The following GRB10 variants were observed in gnomAD, a reference collection of about 807,000 sequenced individuals.
GRB10 encodes growth factor receptor-bound protein 10.
In GRB10, 20 loss-of-function variants were observed where a neutral mutation model predicts 80.9. The ratio of observed to expected loss-of-function variants is 0.25; its 90% CI spans 0.17 to 0.36. The LOEUF is 0.36. GRB10 is among the 10% of genes least tolerant of loss of function. GRB10 has a pLI of 1.00. For missense variants in GRB10, 548 were observed against 747.7 expected, an observed-to-expected ratio of 0.73 and a Z score of 3.12; for synonymous variants, 291 against 291.5, an observed-to-expected ratio of 1.00 and a Z score of 0.02.
At chr7:50,603,138 G>A (rs2047908764) in intron 17 of GRB10, among the ~76,000 whole-genome samples, 1 of 152,206 alleles carries the variant, frequency 6.6e-6, no homozygotes, top group Non-Finnish European at 1.5e-5. Flanking sequence ...TGAGTATTCA[G>A]ACCCCGTATG....
At chr7:50,786,503 C>CA (rs1462841141), upstream of GRB10, among the ~76,000 whole-genome samples, 5 of 151,932 alleles carry the variant, frequency 3.3e-5, no homozygotes, top group African/African-American at 7.2e-5. Context: ...AAAAACAAAC[C>CA]AAAAAACCAC....
rs1381842414 is a variant in GRB10 at position 50,683,391 on chromosome 7, G to A, written c.140-8733C>T. 7.2e-5 allele frequency among the ~76,000 whole-genome samples: 11 copies of A among 152,278 alleles called. No homozygotes were observed. In the East Asian group the frequency reaches 1.9e-3, roughly 27 times the overall value. ...AGTTCTATGGATGGATGGTGGTGAA[G>A]GTTGTGCAACCATGTGAACGTTCTT... On this transcript the variant is annotated intron_variant, in intron 5 of 18. Coordinates refer to ENST00000401949, the MANE Select transcript of GRB10 (RefSeq NM_001350814.2).
chr7:50,613,790 G>A (rs1010356703), intron 12 of GRB10, among the ~76,000 whole-genome samples: 20 of 152,136 alleles, frequency 1.3e-4, no homozygotes, highest in African/African-American at 4.1e-4. Flanking sequence ...ACTTATAACC[G>A]AAAGAGTATT....
chr7:50,632,538 C>T (rs1023950265), intron 7 of GRB10, among the ~76,000 whole-genome samples: 3 of 152,184 alleles, frequency 2.0e-5, no homozygotes, highest in African/African-American at 4.8e-5. Flanking sequence ...GCATGGGAGC[C>T]GGGTGCCCCA....
In GRB10 at chr7:50,592,816, C is replaced by T. The variant is rs977967348; in HGVS notation, c.*136G>A. ...GTCCAACAAACTAGTCAATCTTGGT[C>T]GGCTGGCACCGAACAAACCCATCTC... is the stretch of plus-strand genomic sequence containing the variant. On this transcript the variant is annotated 3_prime_UTR_variant, in exon 19 of 19. Transcript: ENST00000401949. 6 of 1,008,838 alleles carry T rather than the reference C, an allele frequency of 5.9e-6. No individual in the cohort carries two copies. The highest frequency in any genetic ancestry group is 3.0e-4 in the Middle Eastern group (1 of 3,280). 62.5% of individuals were successfully genotyped at this position (1,008,838 alleles called of 1,614,324 possible).
intron 7 of GRB10, among the ~76,000 whole-genome samples, chr7:50,665,642 C>T (rs546774412): frequency 2.0e-4 from 30 of 152,320 alleles, no homozygotes; most frequent in Admixed American, 1.4e-3. Flanking sequence ...GGGGTAGCAA[C>T]GAGCCTGGGT....
chr7:50,598,737 A>G (rs2047070313), intron 17 of GRB10, among the ~76,000 whole-genome samples: 1 of 152,206 alleles, frequency 6.6e-6, no homozygotes, highest in Non-Finnish European at 1.5e-5. Flanking sequence ...TCCCTCTTAC[A>G]AGGGTGCTAT....
intron 2 of GRB10, among the ~76,000 whole-genome samples, chr7:50,761,154 C>T (rs142278904): frequency 3.3e-5 from 5 of 152,294 alleles, no homozygotes; most frequent in African/African-American, 7.2e-5. Flanking sequence ...TATGCCAAGG[C>T]CACACAGTTA....
chr7:50,786,959 G>A (rs971180816), upstream of GRB10, among the ~76,000 whole-genome samples: 1 of 152,214 alleles, frequency 6.6e-6, no homozygotes, highest in Non-Finnish European at 1.5e-5. Context: ...TTGGAAAAGA[G>A]ATTCACACAA....
At chr7:50,631,955 C>T (rs999465123) in intron 7 of GRB10, among the ~76,000 whole-genome samples, 1 of 152,172 alleles carries the variant, frequency 6.6e-6, no homozygotes, top group Admixed American at 6.5e-5. Context: ...AACCCACTAC[C>T]CAGCGTGTAC....
At chr7:50,722,868 A>C (rs1195635657) in intron 4 of GRB10, among the ~76,000 whole-genome samples, 1 of 152,078 alleles carries the variant, frequency 6.6e-6, no homozygotes, top group African/African-American at 2.4e-5. Flanking sequence ...CCTTAGGTAA[A>C]GATAGCGCTC....
At position 50,758,075 on chromosome 7, in the gene GRB10, GCTC is replaced by G. The variant is rs563651178; in HGVS notation, c.-216-2022_-216-2020del. Among the ~76,000 whole-genome samples, 5 of 152,312 alleles carry G rather than the reference GCTC, an allele frequency of 3.3e-5. No individual in the cohort carries two copies. In the South Asian group the frequency reaches 1.0e-3, roughly 32 times the overall value. On this transcript the variant is annotated intron_variant, in intron 2 of 18. Coordinates refer to ENST00000401949, the MANE Select transcript of GRB10 (RefSeq NM_001350814.2). ...ACAGTTGACAAAACAAAGACAACAT[GCTC>G]TTTGAACCTGATAAACTGAAGAGTT...
chr7:50,777,083 T>C (rs958263817), intron 2 of GRB10, among the ~76,000 whole-genome samples: 1 of 152,154 alleles, frequency 6.6e-6, no homozygotes, highest in African/African-American at 2.4e-5. Context: ...GGTTAGGTAA[T>C]TTATAAATAA....
chr7:50,657,806 G>C (rs2058798675), intron 7 of GRB10, among the ~76,000 whole-genome samples: 1 of 152,206 alleles, frequency 6.6e-6, no homozygotes. Flanking sequence ...GGCACCAACA[G>C]CAGAGGGAGG....
At chr7:50,744,225 A>G (rs1457714035) in intron 3 of GRB10, among the ~76,000 whole-genome samples, 1 of 152,208 alleles carries the variant, frequency 6.6e-6, no homozygotes. Context: ...CATGGAAAAG[A>G]AAAGAAACCG....
At chr7:50,712,285 A>T (rs2066012891) in intron 4 of GRB10, among the ~76,000 whole-genome samples, 1 of 152,232 alleles carries the variant, frequency 6.6e-6, no homozygotes, top group Admixed American at 6.5e-5. Flanking sequence ...AGGTCTATGC[A>T]AGAGGAAAGG....
intron 4 of GRB10, among the ~76,000 whole-genome samples, chr7:50,730,619 A>T (rs2069524490): frequency 6.6e-6 from 1 of 152,210 alleles, no homozygotes; most frequent in African/African-American, 2.4e-5. Flanking sequence ...GCATGACAGC[A>T]CATAGCAGGG....
Position 50,694,615 on chromosome 7 carries a change from C to T in GRB10, c.139+9206G>A, listed in dbSNP as rs369181643. 1.3e-4 allele frequency among the ~76,000 whole-genome samples: 20 copies of T among 152,212 alleles called. No individual in the cohort carries two copies. The East Asian group carries it at 3.3e-3, about 25-fold the overall frequency. On this transcript the variant is annotated intron_variant, in intron 5 of 18. Transcript: ENST00000401949. ...GATGAAGAATCTGTGGTGTGTGCAG[C>T]CACTCATCCCTCACCTACCCACAGG...
At chr7:50,747,849 G>A (rs1386122133) in intron 3 of GRB10, among the ~76,000 whole-genome samples, 2 of 152,064 alleles carry the variant, frequency 1.3e-5, no homozygotes, top group Non-Finnish European at 1.5e-5. Flanking sequence ...GGCGTCTCCA[G>A]ACATCGAGAT....
Sources: allele counts gnomAD v4.1 joint callset (sites outside exome capture counted in the v4.1 genomes callset), GRCh38; gene constraint gnomAD v4.1.1; transcripts MANE v1.5; gene names NCBI Gene and HGNC (gene_info 2026-07-23, HGNC 2026-07-21).